Variants in ARSB observed in about 807,000 individuals in gnomAD.
The protein encoded by ARSB is arylsulfatase B.
A neutral mutation model predicts 50.9 loss-of-function variants in ARSB; 41 were observed. The ratio of observed to expected loss-of-function variants is 0.81; its 90% CI spans 0.63 to 1.04. The LOEUF (loss-of-function observed/expected upper bound fraction) is 1.04, where lower values mean the gene tolerates loss of function less well. ARSB is among the 50% of genes least tolerant of loss of function. The pLI, the probability that ARSB is intolerant of heterozygous loss-of-function variation, is 0.00. For synonymous variants in ARSB, 269 were observed against 284.8 expected (o/e 0.94, Z 0.56); for missense variants, 672 against 693.3 (o/e 0.97, Z 0.35).
At chr5:78,782,065 T>G in intron 6 of ARSB, 91 bp from the exon 7 acceptor site, 2 of 1,515,698 alleles carry the variant, frequency 1.3e-6, no homozygotes, top group South Asian at 2.3e-5. Context: ...AACAGTAGCT[T>G]TTATTCAACA....
chr5:78,964,852 A>G (rs1561530605), intron 2 of ARSB, among the ~76,000 whole-genome samples: 1 of 138,308 alleles, frequency 7.2e-6, no homozygotes, highest in African/African-American at 3.1e-5. Context: ...ATGTAACACT[A>G]ACAGTTTTTT....
At chr5:78,974,539 C>T (rs750433745) in intron 1 of ARSB, among the ~76,000 whole-genome samples, 7 of 152,140 alleles carry the variant, frequency 4.6e-5, no homozygotes, top group East Asian at 1.9e-4. Flanking sequence ...ATTAAGGAAA[C>T]GCAAACAAAA....
intron 6 of ARSB, among the ~76,000 whole-genome samples, chr5:78,819,818 A>G (rs1744139593): frequency 6.6e-6 from 1 of 152,244 alleles, no homozygotes; most frequent in Non-Finnish European, 1.5e-5. Context: ...GTGCTTTAGG[A>G]CAAGCACTGG....
chr5:78,943,308 T>G (rs1751032267), intron 4 of ARSB, among the ~76,000 whole-genome samples: 1 of 152,218 alleles, frequency 6.6e-6, no homozygotes, highest in Non-Finnish European at 1.5e-5. Context: ...TATGTGTGAA[T>G]TTGATCCTGT....
At chr5:78,869,142 G>T (rs1178695220) in intron 5 of ARSB, among the ~76,000 whole-genome samples, 1 of 143,026 alleles carries the variant, frequency 7.0e-6, no homozygotes, top group Non-Finnish European at 1.5e-5. Context: ...ACCCAATACA[G>T]GAGCACCCAG....
intron 5 of ARSB, among the ~76,000 whole-genome samples, chr5:78,879,412 T>C (rs566797190): frequency 6.6e-6 from 1 of 152,346 alleles, no homozygotes; most frequent in Non-Finnish European, 1.5e-5. Context: ...GAGCTCCTAT[T>C]GTAAATAATG....
chr5:78,860,567 G>A (rs12188734), intron 5 of ARSB, among the ~76,000 whole-genome samples: 94,243 of 151,998 alleles, frequency 0.62, 29,574 homozygotes, highest in Middle Eastern at 0.67. Context: ...ACCAATGAGA[G>A]CAAAGACACA....
At chr5:78,948,248 TTAA>T (rs1751337003) in intron 4 of ARSB, among the ~76,000 whole-genome samples, 2 of 152,158 alleles carry the variant, frequency 1.3e-5, no homozygotes, top group African/African-American at 2.4e-5. Context: ...GTGACTACAG[TTAA>T]TAATAATTTA....
At position 78,899,408 on chromosome 5, in the gene ARSB, T is replaced by A. The variant is rs1295778702; in HGVS notation, c.899-13581A>T. On this transcript the variant is annotated intron_variant, in intron 4 of 7. Transcript: ENST00000264914. ...TCCTTTTGAATCAACTTTCTACCCCTTGCTCTCGCTTCACTCTCTCTTGAA... is the reference window on the plus strand; with the variant it reads ...TCCTTTTGAATCAACTTTCTACCCCATGCTCTCGCTTCACTCTCTCTTGAA... 2.0e-5 allele frequency among the ~76,000 whole-genome samples: 3 copies of A among 152,208 alleles called. No homozygotes were observed. The East Asian group carries it at 5.8e-4, about 29-fold the overall frequency.
chr5:78,867,631 C>G (rs1474993393), intron 5 of ARSB, among the ~76,000 whole-genome samples: 2 of 152,158 alleles, frequency 1.3e-5, no homozygotes, highest in Non-Finnish European at 2.9e-5. Flanking sequence ...GGAAAACTCA[C>G]AAACAGAAAG....
intron 6 of ARSB, among the ~76,000 whole-genome samples, chr5:78,796,036 C>T (rs546584141): frequency 6.6e-6 from 1 of 152,144 alleles, no homozygotes; most frequent in Admixed American, 6.5e-5. Flanking sequence ...TGACATCAGC[C>T]AGCAGTGTTG....
At chr5:78,866,784 G>C (rs1462827867) in intron 5 of ARSB, among the ~76,000 whole-genome samples, 1 of 152,194 alleles carries the variant, frequency 6.6e-6, no homozygotes, top group Admixed American at 6.5e-5. Flanking sequence ...AGAGAATCAT[G>C]AGAAGGCAGA....
At chr5:78,903,332 C>T (rs892061190) in intron 4 of ARSB, among the ~76,000 whole-genome samples, 3 of 152,174 alleles carry the variant, frequency 2.0e-5, no homozygotes, top group African/African-American at 7.2e-5. Flanking sequence ...TTAAACAGTC[C>T]AAGCCTGCCC....
chr5:78,887,647 CA>C (rs1339458050), intron 4 of ARSB, among the ~76,000 whole-genome samples: 1 of 152,094 alleles, frequency 6.6e-6, no homozygotes, highest in African/African-American at 2.4e-5. Context: ...TACAACAACC[CA>C]AATAGTTTAG....
At chr5:78,784,623 T>C (rs1209879274) in intron 6 of ARSB, among the ~76,000 whole-genome samples, 5 of 152,186 alleles carry the variant, frequency 3.3e-5, no homozygotes, top group Non-Finnish European at 1.5e-5. Context: ...TCAGTTTTGA[T>C]AACTTGTATT....
intron 5 of ARSB, among the ~76,000 whole-genome samples, chr5:78,868,876 TAA>T (rs1294011408): frequency 6.6e-6 from 1 of 151,162 alleles, no homozygotes; most frequent in Non-Finnish European, 1.5e-5. Flanking sequence ...GCAAGTTGGA[TAA>T]AGAGTCAAGA....
At chr5:78,823,975 T>C (rs968431043) in intron 6 of ARSB, among the ~76,000 whole-genome samples, 1 of 151,790 alleles carries the variant, frequency 6.6e-6, no homozygotes, top group African/African-American at 2.4e-5. Context: ...CAGTGGGGAG[T>C]GTTTGGGCCA....
chr5:78,825,413 G>A (rs1744394346), intron 6 of ARSB, among the ~76,000 whole-genome samples: 1 of 152,010 alleles, frequency 6.6e-6, no homozygotes, highest in Non-Finnish European at 1.5e-5. Context: ...TTTATAATTT[G>A]TGGAAAGACT....
rs373554974 is a variant in ARSB at position 78,927,580 on chromosome 5, G to A, written c.898+27715C>T. 1.5e-4 allele frequency among the ~76,000 whole-genome samples: 23 copies of A among 152,250 alleles called. No individual in the cohort carries two copies. In the East Asian group the frequency reaches 1.5e-3, roughly 10 times the overall value. ...ATCTTAGGTCAATCCAACACACACC[G>A]GAAAGAATAGAAGTCAAAACAGAGA... is the stretch of plus-strand genomic sequence containing the variant. On this transcript the variant is annotated intron_variant, in intron 4 of 7. Transcript: ENST00000264914.
Sources: gnomAD v4.1 joint callset for allele counts (sites outside exome capture counted in the v4.1 genomes callset) on GRCh38, gnomAD v4.1.1 for gene constraint, MANE v1.5 for transcripts, NCBI Gene and HGNC (gene_info 2026-07-23, HGNC 2026-07-21) for gene names.